EML6: variants seen among roughly 807,000 people sequenced by gnomAD.
The protein encoded by EML6 is echinoderm microtubule-associated protein-like 6.
In EML6, 154 loss-of-function variants were observed where a neutral mutation model predicts 240.1. The ratio of observed to expected loss-of-function variants is 0.64; its 90% confidence interval spans 0.56 to 0.73. The LOEUF (loss-of-function observed/expected upper bound fraction) is 0.73. EML6 is among the 30% of genes least tolerant of loss of function. The pLI is 0.00. For synonymous variants in EML6, 1,148 were observed against 899.0 expected, an observed-to-expected ratio of 1.28 and a Z score of -4.95; for missense variants, 2,964 against 2,474.6, an observed-to-expected ratio of 1.20 and a Z score of -4.20.
rs34070399 is a variant in EML6 at position 54,863,039 on chromosome 2, A to G, written c.1826-744A>G. Among the ~76,000 whole-genome samples, 1,215 of 152,298 alleles carry G rather than the reference A, an allele frequency of 8.0e-3. 17 individuals carry two copies. Among genetic ancestry groups the G allele is most frequent in the African/African-American group, 0.028 (1,170 of 41,568 alleles). ...GCCTATGTGTTCCAATTCAGTGGAC[A>G]TGTATGTAGTCTTTTCATTTATCTC... is the stretch of plus-strand genomic sequence containing the variant. On this transcript the variant is annotated intron_variant, in intron 12 of 41. Coordinates refer to ENST00000356458, the MANE Select transcript of EML6 (RefSeq NM_001039753.4).
intron 40 of EML6, 33 bp downstream of exon 40, chr2:54,968,314 TTC>T (rs1676838593): frequency 5.8e-6 from 9 of 1,543,826 alleles, no homozygotes; most frequent in South Asian, 3.6e-5. Context: ...TCCCTGCAGG[TTC>T]TCTGTTTGGC....
intron 2 of EML6, among the ~76,000 whole-genome samples, chr2:54,798,130 C>G (rs1442196083): frequency 1.3e-5 from 2 of 152,156 alleles, no homozygotes; most frequent in South Asian, 2.1e-4. Context: ...AACATAATAT[C>G]TCTTCTTGTC....
intron 10 of EML6, among the ~76,000 whole-genome samples, chr2:54,850,953 A>G (rs1017253577): frequency 1.3e-5 from 2 of 152,258 alleles, no homozygotes; most frequent in African/African-American, 4.8e-5. Flanking sequence ...GTGGAATGAT[A>G]TATACAGTGT....
At chr2:54,770,476 C>A (rs1003943997) in intron 2 of EML6, among the ~76,000 whole-genome samples, 1 of 152,142 alleles carries the variant, frequency 6.6e-6, no homozygotes, top group African/African-American at 2.4e-5. Flanking sequence ...CGCCTCTTGC[C>A]CTTTGGCTTC....
chr2:54,797,600 C>T (rs981247281), intron 2 of EML6, among the ~76,000 whole-genome samples: 1 of 146,794 alleles, frequency 6.8e-6, no homozygotes, highest in African/African-American at 2.6e-5. Context: ...TTATGCCTAA[C>T]AACATGTAGA....
At chr2:54,727,193 C>A (rs1286035617) in intron 2 of EML6, among the ~76,000 whole-genome samples, 3 of 137,308 alleles carry the variant, frequency 2.2e-5, no homozygotes, top group Admixed American at 1.7e-4. Flanking sequence ...GAAAAAGAGA[C>A]AGTTAGCATC....
intron 4 of EML6, among the ~76,000 whole-genome samples, 169 bp from the exon 5 acceptor site, chr2:54,820,225 C>T (rs925112741): frequency 1.3e-5 from 2 of 152,106 alleles, no homozygotes; most frequent in African/African-American, 4.8e-5. Context: ...GAGGTGATAA[C>T]GTGTGTGTTA....
At chr2:54,740,947 C>A (rs1369843762) in intron 2 of EML6, among the ~76,000 whole-genome samples, 1 of 152,068 alleles carries the variant, frequency 6.6e-6, no homozygotes, top group East Asian at 1.9e-4. Flanking sequence ...GATATAAATT[C>A]TATAAATTTA....
chr2:54,887,683 G>A (rs1053812313), intron 17 of EML6, among the ~76,000 whole-genome samples: 1 of 152,122 alleles, frequency 6.6e-6, no homozygotes, highest in African/African-American at 2.4e-5. Flanking sequence ...CCTAGTATCT[G>A]AGGAACAGGT....
At chr2:54,812,385 A>G (rs1344123611) in intron 2 of EML6, among the ~76,000 whole-genome samples, 2 of 152,148 alleles carry the variant, frequency 1.3e-5, no homozygotes, top group African/African-American at 4.8e-5. Flanking sequence ...TGGAATGGGA[A>G]AATTTGTATT....
intron 17 of EML6, among the ~76,000 whole-genome samples, chr2:54,886,745 T>G (rs1305935829): frequency 1.3e-5 from 2 of 152,206 alleles, no homozygotes; most frequent in East Asian, 3.8e-4. Flanking sequence ...TAGAATAGAG[T>G]GATTTGTCTT....
chr2:54,769,195 T>G (rs1371693746), intron 2 of EML6, among the ~76,000 whole-genome samples: 1 of 152,206 alleles, frequency 6.6e-6, no homozygotes, highest in Admixed American at 6.5e-5. Context: ...GTGGGTTGTC[T>G]GGAAGCTTTG....
intron 12 of EML6, among the ~76,000 whole-genome samples, chr2:54,863,331 A>G (rs35459932): frequency 0.39 from 59,363 of 152,106 alleles, 12,034 homozygotes; most frequent in Non-Finnish European, 0.44. Flanking sequence ...CAACCTAGGC[A>G]ATGTGGTGAA....
rs1467620680 is a variant in EML6 at position 54,791,520 on chromosome 2, G to A, written c.198-21712G>A. Among the ~76,000 whole-genome samples, 3 of 152,320 alleles carry A rather than the reference G, an allele frequency of 2.0e-5. No individual in the cohort carries two copies. The East Asian group carries it at 5.8e-4, about 29-fold the overall frequency. On this transcript the variant is annotated intron_variant, in intron 2 of 41. Coordinates refer to ENST00000356458, the MANE Select transcript of EML6 (RefSeq NM_001039753.4). ...CACCAGCAATGTAAACCCTGAAGTT[G>A]ATCAGTTTGTCCCCACTTCTAGTTC...
At chr2:54,797,165 A>AAAAAAAAAAAAAAAAAAAAAAAAC (rs1491571600) in intron 2 of EML6, among the ~76,000 whole-genome samples, 9 of 62,108 alleles carry the variant, frequency 1.4e-4, no homozygotes, top group Non-Finnish European at 2.7e-4. Flanking sequence ...ACTCCATCTC[A>AAAAAAAAAAAAAAAAAAAAAAAAC]AAAAAAAAAA....
At chr2:54,789,320 T>C (rs991820965) in intron 2 of EML6, among the ~76,000 whole-genome samples, 5 of 151,762 alleles carry the variant, frequency 3.3e-5, no homozygotes, top group South Asian at 2.1e-4. Context: ...GAGACCATCC[T>C]GGCTAACACG....
chr2:54,866,500 A>C (rs543278632), intron 13 of EML6, among the ~76,000 whole-genome samples: 1 of 152,244 alleles, frequency 6.6e-6, no homozygotes, highest in Non-Finnish European at 1.5e-5. Context: ...ACTGATACTT[A>C]ATTTCCTTTA....
intron 19 of EML6, 49 bp downstream of exon 19, chr2:54,892,705 T>G (rs1410381463): frequency 8.3e-6 from 12 of 1,452,680 alleles, no homozygotes; most frequent in Non-Finnish European, 1.1e-5. Flanking sequence ...CTTCTAAAAT[T>G]ATAAGGTAGT....
chr2:54,889,947 G>T (rs907524676), intron 17 of EML6, among the ~76,000 whole-genome samples: 1 of 152,214 alleles, frequency 6.6e-6, no homozygotes, highest in Non-Finnish European at 1.5e-5. Context: ...TAGCATGTTT[G>T]GAGAGCCAGC....
Sources: allele counts gnomAD v4.1 joint callset (sites outside exome capture counted in the v4.1 genomes callset), GRCh38; gene constraint gnomAD v4.1.1; transcripts MANE v1.5; gene names NCBI Gene and HGNC (gene_info 2026-07-23, HGNC 2026-07-21).